RPRD1A: variants seen among roughly 807,000 people sequenced by gnomAD.
RPRD1A encodes regulation of nuclear pre-mRNA domain-containing protein 1A.
Under a neutral mutation model 37.8 loss-of-function variants are expected in RPRD1A, and 9 were observed. The observed-to-expected ratio is 0.24, with a 90% CI of 0.14 to 0.42. RPRD1A has a LOEUF of 0.42. Among genes scored for constraint, RPRD1A ranks in the 10% least tolerant of loss-of-function variants. The pLI is 1.00. For missense variants in RPRD1A, 255 were observed against 371.0 expected (o/e 0.69, Z 2.57); for synonymous variants, 138 against 139.7 (o/e 0.99, Z 0.08).
chr18:36,025,367 C>G, intron 6 of RPRD1A: 1 of 227,882 alleles, frequency 4.4e-6, no homozygotes. Context: ...TTATTATTAT[C>G]ATCAGCCTCA....
intron 6 of RPRD1A, among the ~76,000 whole-genome samples, chr18:35,996,333 A>G (rs1909055376): frequency 6.6e-6 from 1 of 152,182 alleles, no homozygotes; most frequent in African/African-American, 2.4e-5. Flanking sequence ...GCTGTTTTGC[A>G]TAATTCTTAA....
chr18:36,003,103 C>G (rs549767382), intron 6 of RPRD1A, among the ~76,000 whole-genome samples: 1 of 152,194 alleles, frequency 6.6e-6, no homozygotes, highest in Non-Finnish European at 1.5e-5. Context: ...CCCCAGTTCC[C>G]TCAACTGTTC....
At chr18:36,015,895 T>A (rs1910534298) in intron 6 of RPRD1A, among the ~76,000 whole-genome samples, 1 of 152,330 alleles carries the variant, frequency 6.6e-6, no homozygotes, top group African/African-American at 2.4e-5. Flanking sequence ...CAAAATCATG[T>A]GAATATAGTT....
At chr18:36,055,296 C>T (rs1333646644) in intron 1 of RPRD1A, among the ~76,000 whole-genome samples, 2 of 152,182 alleles carry the variant, frequency 1.3e-5, no homozygotes, top group African/African-American at 4.8e-5. Flanking sequence ...CCAAAGTGTG[C>T]CATCACAAAA....
At chr18:36,015,810 C>T (rs189850101) in intron 6 of RPRD1A, among the ~76,000 whole-genome samples, 6 of 152,066 alleles carry the variant, frequency 3.9e-5, no homozygotes, top group African/African-American at 1.2e-4. Flanking sequence ...TGGGTGAAGG[C>T]GGAAATGAGA....
intron 6 of RPRD1A, among the ~76,000 whole-genome samples, chr18:36,014,663 A>T (rs1157591602): frequency 6.6e-6 from 1 of 152,212 alleles, no homozygotes; most frequent in Non-Finnish European, 1.5e-5. Context: ...GAATGGCGTG[A>T]ACCTGGGAGG....
At chr18:36,017,909 TA>T (rs1466119465) in intron 6 of RPRD1A, among the ~76,000 whole-genome samples, 2 of 152,240 alleles carry the variant, frequency 1.3e-5, no homozygotes, top group Non-Finnish European at 2.9e-5. Flanking sequence ...TATACAATGC[TA>T]AGGATTACTA....
intron 6 of RPRD1A, among the ~76,000 whole-genome samples, chr18:36,022,575 C>T (rs1911066948): frequency 6.6e-6 from 1 of 152,212 alleles, no homozygotes; most frequent in Admixed American, 6.5e-5. Context: ...ATTTACTCTG[C>T]CTGTGCTCTA....
chr18:36,035,431 C>T (rs1242443565), intron 1 of RPRD1A, among the ~76,000 whole-genome samples: 4 of 152,104 alleles, frequency 2.6e-5, no homozygotes. Flanking sequence ...AAGCCAAAAA[C>T]ATTATTTGCC....
intron 6 of RPRD1A, among the ~76,000 whole-genome samples, chr18:36,020,760 G>T (rs1297715513): frequency 6.6e-6 from 1 of 151,968 alleles, no homozygotes; most frequent in East Asian, 1.9e-4. Flanking sequence ...GTTACAGTGA[G>T]CTATGATCTT....
At chr18:36,040,791 GTTTTTA>G in intron 1 of RPRD1A, 1 of 1,463,116 alleles carries the variant, frequency 6.8e-7, no homozygotes, top group Non-Finnish European at 9.2e-7. Flanking sequence ...GAAGAAAAGT[GTTTTTA>G]TTCACTTACA....
At chr18:36,023,832 T>A (rs1911173183) in intron 6 of RPRD1A, among the ~76,000 whole-genome samples, 1 of 152,224 alleles carries the variant, frequency 6.6e-6, no homozygotes, top group Non-Finnish European at 1.5e-5. Flanking sequence ...TTAACTAAGA[T>A]ACGTACATTT....
intron 6 of RPRD1A, among the ~76,000 whole-genome samples, chr18:36,002,687 T>A (rs988575160): frequency 6.6e-6 from 1 of 152,236 alleles, no homozygotes; most frequent in Non-Finnish European, 1.5e-5. Flanking sequence ...CTTAGTCTCA[T>A]CACTTCAAAA....
chr18:36,020,453 T>C (rs1384327389), intron 6 of RPRD1A, among the ~76,000 whole-genome samples: 1 of 152,154 alleles, frequency 6.6e-6, no homozygotes, highest in Non-Finnish European at 1.5e-5. Flanking sequence ...ATAGATAATA[T>C]TCAGAAATCA....
chr18:36,021,826 CCT>C (rs1218690868), intron 6 of RPRD1A, among the ~76,000 whole-genome samples: 1 of 152,074 alleles, frequency 6.6e-6, no homozygotes, highest in Admixed American at 6.6e-5. Context: ...ATAGTGAGAC[CCT>C]GTCTCTACAA....
intron 6 of RPRD1A, among the ~76,000 whole-genome samples, chr18:36,008,328 A>T (rs140299821): frequency 6.6e-6 from 1 of 151,900 alleles, no homozygotes; most frequent in East Asian, 1.9e-4. Flanking sequence ...CTGTAACCCT[A>T]GCACTTTGGG....
chr18:36,034,406 T>C (rs1912038166), intron 1 of RPRD1A, among the ~76,000 whole-genome samples: 1 of 152,184 alleles, frequency 6.6e-6, no homozygotes. Context: ...ACTGAATTCA[T>C]TATGACAAAA....
intron 1 of RPRD1A, among the ~76,000 whole-genome samples, chr18:36,064,864 G>A (rs553757037): frequency 1.5e-4 from 23 of 152,054 alleles, no homozygotes; most frequent in Admixed American, 3.9e-4. Context: ...CACTCACCGC[G>A]AAGGTCTGCA....
intron 6 of RPRD1A, among the ~76,000 whole-genome samples, chr18:36,010,443 T>C (rs1039967620): frequency 6.6e-6 from 1 of 152,164 alleles, no homozygotes; most frequent in Non-Finnish European, 1.5e-5. Context: ...CAGTGAGCTA[T>C]GATCGTGCCA....
Sources: allele counts gnomAD v4.1 joint callset (sites outside exome capture counted in the v4.1 genomes callset), GRCh38; gene constraint gnomAD v4.1.1; transcripts MANE v1.5; gene names NCBI Gene and HGNC (gene_info 2026-07-23, HGNC 2026-07-21).